C16orf96: variants seen among roughly 807,000 people sequenced by gnomAD.
The protein encoded by C16orf96 is chromosome 16 open reading frame 96.
A neutral mutation model predicts 103.6 loss-of-function variants in C16orf96; 108 were observed. That is an observed-to-expected ratio of 1.04 (90% CI 0.89 to 1.22). The LOEUF is 1.22. Ranked by LOEUF, C16orf96 falls within the 50% of genes most tolerant of loss-of-function variation. The pLI is 0.00. For synonymous variants in C16orf96, 566 were observed against 593.5 expected, an observed-to-expected ratio of 0.95 and a Z score of 0.67; for missense variants, 1,586 against 1,464.2, an observed-to-expected ratio of 1.08 and a Z score of -1.36.
chr16:4,574,709 G>C lies in C16orf96; in HGVS notation c.526G>C (p.Val176Leu). 6.4e-7 allele frequency: 1 copy of C among 1,551,554 alleles called. No homozygotes were observed. The highest frequency in any genetic ancestry group is 8.7e-7 in the Non-Finnish European group (1 of 1,146,866). The change falls in exon 3 of 16, where the codon GTA becomes CTA. Residue 176 changes from valine (V) to leucine (L), a missense_variant and splice_region_variant. Physicochemically the swap from Val to Leu is conservative, Grantham distance 32. Coordinates refer to ENST00000444310, the MANE Select transcript of C16orf96 (RefSeq NM_001145011.2). ...VDMLKNMLDK[V>L]HPERMDIFAE... Reference sequence around the variant, plus strand: ...TCCACAGACTCAGTTCCTTTGACAGGTACACCCAGAAAGAATGGACATCTT... The same window carrying C: ...TCCACAGACTCAGTTCCTTTGACAGCTACACCCAGAAAGAATGGACATCTT...
upstream of C16orf96, among the ~76,000 whole-genome samples, chr16:4,554,082 A>G (rs1320603496): frequency 6.6e-6 from 1 of 152,134 alleles, no homozygotes; most frequent in Non-Finnish European, 1.5e-5. Flanking sequence ...CCCAGGAGAC[A>G]AGCAGGCTGG....
intron 2 of C16orf96, among the ~76,000 whole-genome samples, chr16:4,573,896 C>T (rs569256594): frequency 1.1e-4 from 17 of 151,962 alleles, no homozygotes; most frequent in African/African-American, 3.9e-4. Context: ...TGCAGTGGCA[C>T]GATCTCAGCT....
rs1412361005 is a variant in C16orf96, at chr16:4,593,632, G to A, written c.2867+316G>A. ...TCCTATGCCCATGTCCCTGTTTCTT[G>A]GCGGAGGGAATCGGTGATGATGGGG... On this transcript the variant is annotated intron_variant, in intron 12 of 15. Transcript: ENST00000444310. This position sits in a 1 kb window ranked among gnomAD's most constrained non-coding sequence, Gnocchi z 4.2. Among the ~76,000 whole-genome samples, 1 of 152,060 alleles carries A rather than the reference G, an allele frequency of 6.6e-6. No individual in the cohort carries two copies. The highest frequency in any genetic ancestry group is 2.4e-5 in the African/African-American group (1 of 41,404).
chr16:4,567,300 T>C (rs1235944090), intron 1 of C16orf96, among the ~76,000 whole-genome samples: 2 of 143,590 alleles, frequency 1.4e-5, no homozygotes, highest in African/African-American at 5.2e-5. Context: ...TTTTTTTTTT[T>C]TGAGATGGAG....
intron 9 of C16orf96, among the ~76,000 whole-genome samples, chr16:4,591,286 T>C (rs927163114): frequency 6.6e-6 from 1 of 152,198 alleles, no homozygotes; most frequent in African/African-American, 2.4e-5. Context: ...ACCTGCCCAC[T>C]TTACATACAG....
At chr16:4,599,147 C>A in intron 14 of C16orf96, 137 bp from the exon 15 acceptor site, 1 of 680,840 alleles carries the variant, frequency 1.5e-6, no homozygotes, top group Non-Finnish European at 2.5e-6. Flanking sequence ...CATTGATTAT[C>A]CCATAAAGGA....
At chr16:4,567,685 C>A (rs1054043819) in intron 1 of C16orf96, among the ~76,000 whole-genome samples, 1 of 118,798 alleles carries the variant, frequency 8.4e-6, no homozygotes, top group African/African-American at 3.0e-5. Context: ...ATAGTTTCTT[C>A]TGTTGCCTTT....
intron 1 of C16orf96, among the ~76,000 whole-genome samples, chr16:4,564,792 CAG>C (rs770875081): frequency 2.0e-5 from 3 of 152,192 alleles, no homozygotes; most frequent in Non-Finnish European, 4.4e-5. Context: ...GCCTGAGCGA[CAG>C]AGCAAAACTC....
Position 4,600,111 on chromosome 16 carries a change from C to T in C16orf96, c.3220C>T (p.Arg1074Cys), listed in dbSNP as rs866365675. The T allele has an allele frequency of 9.7e-6, 15 of 1,551,596 alleles. No homozygotes were observed. The highest frequency in any genetic ancestry group is 4.8e-5 in the South Asian group (4 of 84,066). Residue 1074 changes from arginine to cysteine, a missense_variant, in exon 16 of 16, where the codon CGC becomes TGC. Arg to Cys is a radical substitution (Grantham distance 180, BLOSUM62 -3). Transcript: ENST00000444310. Reference sequence around the variant, plus strand: ...CTGCCCCTCCCCAGCCCTGTGCCCCCGCTCCAGTGCCTGCTCAGCTGCCTC... The same window carrying T: ...CTGCCCCTCCCCAGCCCTGTGCCCCTGCTCCAGTGCCTGCTCAGCTGCCTC... Reference protein sequence around the residue: ...FGAICPPLCPRSSACSAASGP... With the variant: ...FGAICPPLCPCSSACSAASGP...
chr16:4,542,920 A>T, the C16orf96 span, among the ~76,000 whole-genome samples: 24 of 152,326 alleles, frequency 1.6e-4, no homozygotes, highest in East Asian at 4.4e-3. Flanking sequence ...CTCAGTAGCC[A>T]CATATGGCTT....
chr16:4,584,349 G>A (rs1371067279), intron 7 of C16orf96, among the ~76,000 whole-genome samples: 1 of 11,466 alleles, frequency 8.7e-5, no homozygotes, highest in Non-Finnish European at 3.5e-4. Flanking sequence ...CACCATGCCT[G>A]GCTAATTTTT....
At chr16:4,587,412 C>T (rs1179425519) in intron 8 of C16orf96, among the ~76,000 whole-genome samples, 1 of 151,774 alleles carries the variant, frequency 6.6e-6, no homozygotes, top group Non-Finnish European at 1.5e-5. Flanking sequence ...ACTGTAATCT[C>T]AGCTATTTGA....
chr16:4,594,776 C>A lies in C16orf96; in HGVS notation c.3100C>A (p.Pro1034Thr). 6.4e-7 allele frequency: 1 copy of A among 1,550,760 alleles called. No homozygotes were observed. Among genetic ancestry groups the A allele is most frequent in the Non-Finnish European group, 8.7e-7 (1 of 1,146,896 alleles). Residue 1034 changes from proline to threonine, a missense_variant, in exon 14 of 16, where the codon CCC (proline) becomes ACC (threonine). By Grantham distance (38) the Pro-to-Thr change is conservative. Coordinates refer to ENST00000444310, the MANE Select transcript of C16orf96 (RefSeq NM_001145011.2). ...GRVNSQRGAQ[P>T]LAVAKELAAV... Reference sequence around the variant, plus strand: ...CGTGAACAGCCAGCGTGGGGCTCAGCCCTTGGCCGTCGCAAAGGAGCTGGC... The same window carrying A: ...CGTGAACAGCCAGCGTGGGGCTCAGACCTTGGCCGTCGCAAAGGAGCTGGC...
At chr16:4,555,228 A>T (rs1229425346), upstream of C16orf96, among the ~76,000 whole-genome samples, 1 of 149,428 alleles carries the variant, frequency 6.7e-6, no homozygotes, top group Non-Finnish European at 1.5e-5. Context: ...GCGCCACTGC[A>T]CTCCTGCCTG....
chr16:4,579,980 C>T, intron 6 of C16orf96, 35 bp from the exon 7 acceptor site: 1 of 1,516,574 alleles, frequency 6.6e-7, no homozygotes. Flanking sequence ...ACTTCAGAAG[C>T]AGAGGCCTGG....
intron 10 of C16orf96, 142 bp from the exon 11 acceptor site, chr16:4,592,163 T>C: frequency 1.0e-6 from 1 of 959,776 alleles, no homozygotes; most frequent in East Asian, 2.6e-5. Flanking sequence ...ACAAGAGTGG[T>C]TGGAGACTGC....
Position 4,599,361 on chromosome 16 carries a change from C to T in C16orf96, c.3205C>T (p.Pro1069Ser). 6.4e-7 allele frequency: 1 copy of T among 1,551,402 alleles called. No individual in the cohort carries two copies. The highest frequency in any genetic ancestry group is 1.4e-5 in the African/African-American group (1 of 73,148). ...CAGTGCCCTATTTGGCGCCATCTGC[C>T]CCCGTGAGTACCTGGTTCCCAGCCC... ...HSSALFGAIC[P>S]PLCPRSSACS... is the part of the protein sequence containing the mutation. Residue 1069 changes from proline to serine, a missense_variant, in exon 15 of 16, where the codon CCC becomes TCC. Pro to Ser is a moderately conservative substitution (Grantham distance 74). Coordinates refer to ENST00000444310, the MANE Select transcript of C16orf96 (RefSeq NM_001145011.2).
rs370918237 is a variant in C16orf96, at chr16:4,594,752, G to A, written c.3076G>A (p.Val1026Met). 13 of 1,551,056 alleles carry A rather than the reference G, an allele frequency of 8.4e-6. No individual in the cohort carries two copies. Among genetic ancestry groups the A allele is most frequent in the Admixed American group, 5.9e-5 (3 of 50,984 alleles). Residue 1026 changes from valine (V) to methionine (M), a missense_variant, in exon 14 of 16, where the codon GTG becomes ATG. Coordinates refer to ENST00000444310, the MANE Select transcript of C16orf96 (RefSeq NM_001145011.2). ...GVDGILYKGRVNSQRGAQPLA... is the reference protein window; with the variant it reads ...GVDGILYKGRMNSQRGAQPLA... ...GGATGGGATCCTGTACAAAGGCCGC[G>A]TGAACAGCCAGCGTGGGGCTCAGCC...
the C16orf96 span, among the ~76,000 whole-genome samples, chr16:4,542,952 A>G: frequency 6.6e-6 from 1 of 152,168 alleles, no homozygotes; most frequent in East Asian, 1.9e-4. Context: ...ATTGGACAGC[A>G]CAGATCTAGA....
Sources: allele counts gnomAD v4.1 joint callset (sites outside exome capture counted in the v4.1 genomes callset), GRCh38; gene constraint gnomAD v4.1.1; non-coding constraint Gnocchi (gnomAD v3.1); transcripts MANE v1.5; gene names NCBI Gene and HGNC (gene_info 2026-07-23, HGNC 2026-07-21).